The following RGS6 variants were observed in gnomAD, a reference collection of about 807,000 sequenced individuals.
The protein encoded by RGS6 is regulator of G-protein signaling 6.
Under a neutral mutation model 78.5 loss-of-function variants are expected in RGS6, and 30 were observed. The ratio of observed to expected loss-of-function variants is 0.38; its 90% CI spans 0.29 to 0.52. The LOEUF (loss-of-function observed/expected upper bound fraction) is 0.52, where lower values mean the gene tolerates loss of function less well. Among genes scored for constraint, RGS6 ranks in the 20% least tolerant of loss-of-function variants. The pLI is 0.85. For missense variants in RGS6, 495 were observed against 609.7 expected (o/e 0.81, Z 1.98); for synonymous variants, 206 against 206.0 (o/e 1.00, Z 0.00).
the RGS6 span, among the ~76,000 whole-genome samples, chr14:71,888,172 G>A: frequency 6.6e-6 from 1 of 152,296 alleles, no homozygotes; most frequent in South Asian, 2.1e-4. Flanking sequence ...GAAACTGGAA[G>A]GTGAAGGTTG....
intron 2 of RGS6, among the ~76,000 whole-genome samples, chr14:72,212,608 G>A (rs185516079): frequency 3.3e-5 from 5 of 152,266 alleles, no homozygotes; most frequent in African/African-American, 4.8e-5. Context: ...TGCTTTCTGT[G>A]ACATCTCTCC....
chr14:71,914,630 C>T, the RGS6 span, among the ~76,000 whole-genome samples: 1 of 151,982 alleles, frequency 6.6e-6, no homozygotes, highest in Admixed American at 6.6e-5. Context: ...GAATCAGGCC[C>T]CTTTTATTTT....
chr14:72,556,035 G>T, intron 17 of RGS6, among the ~76,000 whole-genome samples: 1 of 152,182 alleles, frequency 6.6e-6, no homozygotes, highest in East Asian at 1.9e-4. Context: ...TCAGGGGATA[G>T]GTGGGTCCTT....
At chr14:72,324,208 C>T (rs1160813364) in intron 2 of RGS6, among the ~76,000 whole-genome samples, 3 of 151,918 alleles carry the variant, frequency 2.0e-5, no homozygotes, top group Non-Finnish European at 2.9e-5. Context: ...CTACATATGA[C>T]AAATTTTTTA....
At chr14:72,329,721 C>A (rs1031115131) in intron 2 of RGS6, among the ~76,000 whole-genome samples, 7 of 152,162 alleles carry the variant, frequency 4.6e-5, no homozygotes, top group Admixed American at 2.6e-4. Context: ...GTAGGGTGAG[C>A]CAGGTGGAGC....
chr14:72,232,136 C>G (rs2049801494), intron 2 of RGS6, among the ~76,000 whole-genome samples: 1 of 152,176 alleles, frequency 6.6e-6, no homozygotes, highest in African/African-American at 2.4e-5. Context: ...ATGACCAGGA[C>G]CATGCCACGG....
At chr14:72,102,789 C>A (rs915186765) in intron 2 of RGS6, among the ~76,000 whole-genome samples, 6 of 152,104 alleles carry the variant, frequency 3.9e-5, no homozygotes, top group African/African-American at 1.2e-4. Context: ...TTTTAAAATA[C>A]CTATATTGGC....
intron 2 of RGS6, among the ~76,000 whole-genome samples, chr14:72,289,146 A>G (rs1182448149): frequency 6.6e-6 from 1 of 152,206 alleles, no homozygotes; most frequent in Non-Finnish European, 1.5e-5. Flanking sequence ...CTTAATCAGC[A>G]GCTCAGGAAA....
At chr14:72,392,482 G>A (rs1259687363) in intron 3 of RGS6, among the ~76,000 whole-genome samples, 1 of 152,056 alleles carries the variant, frequency 6.6e-6, no homozygotes, top group African/African-American at 2.4e-5. Context: ...CATCATCACA[G>A]ACATACACAC....
At chr14:72,535,933 C>T (rs2153498882) in intron 15 of RGS6, among the ~76,000 whole-genome samples, 1 of 152,238 alleles carries the variant, frequency 6.6e-6, no homozygotes, top group South Asian at 2.1e-4. Context: ...AACATGGCAC[C>T]CAAGCCCAAT....
chr14:72,034,034 C>T (rs1188859291), intron 2 of RGS6, among the ~76,000 whole-genome samples: 2 of 152,072 alleles, frequency 1.3e-5, no homozygotes, highest in Non-Finnish European at 2.9e-5. Context: ...TCATGATGCT[C>T]GTTAGCCATT....
chr14:72,585,306 A>G, the RGS6 span, among the ~76,000 whole-genome samples: 1 of 152,148 alleles, frequency 6.6e-6, no homozygotes, highest in East Asian at 1.9e-4. Flanking sequence ...AACACCATCT[A>G]CAGACTTCTC....
rs77585577 is a variant in RGS6 at position 71,983,954 on chromosome 14, A to G, written c.84+19079A>G. 7.5e-3 allele frequency among the ~76,000 whole-genome samples: 1,149 copies of G among 152,308 alleles called. 16 individuals carry two copies. Among genetic ancestry groups the G allele is most frequent in the African/African-American group, 0.025 (1,046 of 41,558 alleles). On this transcript the variant is annotated intron_variant, in intron 2 of 17. Coordinates refer to ENST00000553525, the MANE Select transcript of RGS6 (RefSeq NM_001204424.2). ...ACTTATTGAGCTGTTGCTTCTGACA[A>G]AGCACTGTGTGGGGAATAAAAAGTA...
chr14:72,410,995 G>C (rs926757467), intron 3 of RGS6, among the ~76,000 whole-genome samples: 68 of 152,300 alleles, frequency 4.5e-4, no homozygotes, highest in Non-Finnish European at 7.5e-4. Context: ...TTTGAAGTCA[G>C]GTAGCGTGAT....
At chr14:72,625,830 T>G in the RGS6 span, among the ~76,000 whole-genome samples, 1 of 152,156 alleles carries the variant, frequency 6.6e-6, no homozygotes, top group Non-Finnish European at 1.5e-5. Context: ...CTTCCCCCCT[T>G]TATTTGGTTA....
At chr14:72,158,079 G>A (rs948140702) in intron 2 of RGS6, among the ~76,000 whole-genome samples, 1 of 152,098 alleles carries the variant, frequency 6.6e-6, no homozygotes, top group African/African-American at 2.4e-5. Context: ...ATCAGTTTGC[G>A]AGAGTTGCCA....
At chr14:72,226,343 A>C (rs968980772) in intron 2 of RGS6, among the ~76,000 whole-genome samples, 4 of 152,252 alleles carry the variant, frequency 2.6e-5, no homozygotes, top group Non-Finnish European at 4.4e-5. Context: ...CTCAGACATT[A>C]AAATTTTAAA....
chr14:72,143,340 T>G (rs961298611), intron 2 of RGS6, among the ~76,000 whole-genome samples: 2 of 152,038 alleles, frequency 1.3e-5, no homozygotes, highest in African/African-American at 4.8e-5. Context: ...ACCACTGCAC[T>G]CCAGCCTGGG....
intron 5 of RGS6, among the ~76,000 whole-genome samples, chr14:72,458,653 A>G (rs375897513): frequency 1.3e-5 from 2 of 152,170 alleles, no homozygotes; most frequent in East Asian, 3.9e-4. Flanking sequence ...TTATAAACAA[A>G]CAAACAAAAA....
Sources: allele counts gnomAD v4.1 joint callset (sites outside exome capture counted in the v4.1 genomes callset), GRCh38; gene constraint gnomAD v4.1.1; transcripts MANE v1.5; gene names NCBI Gene and HGNC (gene_info 2026-07-23, HGNC 2026-07-21).